Variants in PLEKHD1 observed in about 807,000 individuals in gnomAD.
The protein encoded by PLEKHD1 is pleckstrin homology and coiled-coil domain containing D1, also known as pleckstrin homology domain-containing family D member 1.
PLEKHD1 carries 51 observed loss-of-function variants against 69.2 expected under a neutral mutation model. The observed-to-expected ratio is 0.74, with a 90% CI of 0.59 to 0.93. PLEKHD1 has a LOEUF of 0.93. Among genes scored for constraint, PLEKHD1 ranks in the 40% least tolerant of loss-of-function variants. The pLI is 0.00. For synonymous variants in PLEKHD1, 236 were observed against 244.7 expected (o/e 0.96, Z 0.33); for missense variants, 584 against 641.0 (o/e 0.91, Z 0.96).
rs2139535694 is a variant in PLEKHD1, at chr14:69,527,764, C to T, written c.1202-19C>T. On this transcript the variant is annotated intron_variant, in intron 11 of 12. Coordinates refer to ENST00000322564, the MANE Select transcript of PLEKHD1 (RefSeq NM_001161498.2). Reference sequence around the variant, plus strand: ...AGGATGCAGTCGGAACCCCACCCTTCCTGGCCCTGCCGCCACAGGGTTCTT... The same window carrying T: ...AGGATGCAGTCGGAACCCCACCCTTTCTGGCCCTGCCGCCACAGGGTTCTT... 1 of 1,551,254 alleles carries T rather than the reference C, an allele frequency of 6.4e-7. No individual in the cohort carries two copies. Among genetic ancestry groups the T allele is most frequent in the East Asian group, 2.4e-5 (1 of 40,922 alleles).
intron 6 of PLEKHD1, among the ~76,000 whole-genome samples, chr14:69,504,363 A>G (rs17107033): frequency 0.051 from 7,713 of 152,224 alleles, 230 homozygotes; most frequent in African/African-American, 0.086. Flanking sequence ...GGCAGGGGCT[A>G]TCAGCCTTGG....
intron 6 of PLEKHD1, among the ~76,000 whole-genome samples, chr14:69,517,911 T>C (rs975472173): frequency 2.6e-5 from 4 of 152,216 alleles, no homozygotes; most frequent in African/African-American, 9.6e-5. Flanking sequence ...ATATCATGTA[T>C]CTTGGTTTGT....
intron 1 of PLEKHD1, among the ~76,000 whole-genome samples, chr14:69,495,344 A>C (rs1385658963): frequency 2.6e-5 from 4 of 152,186 alleles, no homozygotes; most frequent in African/African-American, 9.7e-5. Context: ...TCAACACAGC[A>C]GGGTCGAGAC....
intron 1 of PLEKHD1, among the ~76,000 whole-genome samples, chr14:69,493,593 A>G (rs752488340): frequency 6.6e-6 from 1 of 152,250 alleles, no homozygotes; most frequent in Non-Finnish European, 1.5e-5. Flanking sequence ...TAAATAAGAT[A>G]AAGTCAATAA....
intron 6 of PLEKHD1, among the ~76,000 whole-genome samples, chr14:69,506,937 C>T (rs1432550952): frequency 7.6e-6 from 1 of 131,224 alleles, no homozygotes; most frequent in Non-Finnish European, 1.5e-5. Flanking sequence ...GAATCTTGCC[C>T]TGTTGCCCAT....
intron 1 of PLEKHD1, among the ~76,000 whole-genome samples, chr14:69,499,708 A>G (rs921761738): frequency 4.3e-4 from 65 of 152,320 alleles, no homozygotes; most frequent in Non-Finnish European, 2.4e-4. Flanking sequence ...CCAAAGACCC[A>G]TCTTAGCATC....
At chr14:69,500,311 C>A in intron 2 of PLEKHD1, 103 bp downstream of exon 2, 2 of 1,028,062 alleles carry the variant, frequency 1.9e-6, no homozygotes, top group Non-Finnish European at 1.4e-6. Flanking sequence ...TCTGGCCTAG[C>A]AGAGAGTCTG....
the PLEKHD1 span, among the ~76,000 whole-genome samples, chr14:69,472,353 G>A: frequency 6.6e-6 from 1 of 152,186 alleles, no homozygotes; most frequent in Admixed American, 6.5e-5. Flanking sequence ...CCTTGTGTCT[G>A]GAATGCTCTT....
chr14:69,500,911 C>G lies in PLEKHD1; in HGVS notation c.374C>G (p.Thr125Ser), dbSNP rs1471971133. The change falls in exon 4 of 13, where the codon ACC (threonine) becomes AGC (serine). Residue 125 changes from threonine (T) to serine (S), a missense_variant. Thr to Ser is a moderately conservative substitution (Grantham distance 58). Transcript: ENST00000322564. ...GCTGCTGAGTCGGAGTTTGAGCAGA[C>G]CCAGTGGCTGGAGATGCTGCAGGAG... ...LLAAESEFEQ[T>S]QWLEMLQESG... The G allele has an allele frequency of 2.6e-6, 4 of 1,551,616 alleles. No individual in the cohort carries two copies. The highest frequency in any genetic ancestry group is 3.5e-6 in the Non-Finnish European group (4 of 1,146,986).
At chr14:69,468,108 T>G in the PLEKHD1 span, among the ~76,000 whole-genome samples, 1 of 152,104 alleles carries the variant, frequency 6.6e-6, no homozygotes, top group Non-Finnish European at 1.5e-5. Flanking sequence ...CATGAAGAGG[T>G]CAGGCATTCA....
intron 1 of PLEKHD1, among the ~76,000 whole-genome samples, chr14:69,490,053 A>G (rs1882742898): frequency 1.3e-5 from 2 of 152,164 alleles, no homozygotes; most frequent in South Asian, 4.1e-4. Flanking sequence ...TTTTGAGTAG[A>G]GATGGGGTTT....
intron 12 of PLEKHD1, 77 bp from the exon 13 acceptor site, chr14:69,528,173 G>A: frequency 1.3e-6 from 2 of 1,502,798 alleles, no homozygotes; most frequent in Non-Finnish European, 1.8e-6. Context: ...TGAGGGGGTG[G>A]CATGAGGCTG....
In PLEKHD1 at chr14:69,501,721, C is replaced by T. The variant is rs1174589301; in HGVS notation, c.411-13C>T. ...CTCTTCTCTCCTCTGTCCCATCTGC[C>T]CTCCCTCCCCAGGACCTGGAAGAAT... On this transcript the variant is annotated splice_polypyrimidine_tract_variant and intron_variant, in intron 4 of 12. Coordinates refer to ENST00000322564, the MANE Select transcript of PLEKHD1 (RefSeq NM_001161498.2). 2 of 1,543,708 alleles carry T rather than the reference C, an allele frequency of 1.3e-6. No homozygotes were observed. Among genetic ancestry groups the T allele is most frequent in the Non-Finnish European group, 1.8e-6 (2 of 1,140,816 alleles).
intron 6 of PLEKHD1, among the ~76,000 whole-genome samples, chr14:69,505,032 A>T (rs1375957824): frequency 6.6e-6 from 1 of 152,218 alleles, no homozygotes; most frequent in Admixed American, 6.5e-5. Flanking sequence ...GAAAATTTAG[A>T]CACTCTATCT....
At chr14:69,516,759 TC>T (rs1479048322) in intron 6 of PLEKHD1, among the ~76,000 whole-genome samples, 1 of 152,162 alleles carries the variant, frequency 6.6e-6, no homozygotes, top group African/African-American at 2.4e-5. Flanking sequence ...AGCCTCGACC[TC>T]CTGGGCTCAA....
Position 69,522,338 on chromosome 14 carries a change from T to C in PLEKHD1, c.611T>C (p.Val204Ala). The C allele has an allele frequency of 2.6e-6, 4 of 1,551,334 alleles. No homozygotes were observed. Among genetic ancestry groups the C allele is most frequent in the Non-Finnish European group, 2.6e-6 (3 of 1,146,910 alleles). Residue 204 changes from valine (V) to alanine (A), a missense_variant, in exon 7 of 13, where the codon GTG becomes GCG. Coordinates refer to ENST00000322564, the MANE Select transcript of PLEKHD1 (RefSeq NM_001161498.2). ...GCCGAGAAGCAGCAGTTCGAGGAGG[T>C]GGTGCAGGAGCTGAGAATGGAGCAG... Reference protein sequence around the residue: ...LEAEKQQFEEVVQELRMEQEQ... With the variant: ...LEAEKQQFEEAVQELRMEQEQ...
chr14:69,486,192 A>G (rs571618313), intron 1 of PLEKHD1, among the ~76,000 whole-genome samples: 1 of 152,128 alleles, frequency 6.6e-6, no homozygotes, highest in African/African-American at 2.4e-5. Context: ...CCCTGAGCAG[A>G]GGGGGCCTCC....
upstream of PLEKHD1, among the ~76,000 whole-genome samples, chr14:69,483,191 T>G (rs34405286): frequency 0.48 from 72,703 of 151,830 alleles, 17,661 homozygotes; most frequent in Middle Eastern, 0.59. Context: ...GGGCACTTCT[T>G]GACAGTGAGC....
At chr14:69,509,113 C>T (rs375665136) in intron 6 of PLEKHD1, among the ~76,000 whole-genome samples, 3 of 152,208 alleles carry the variant, frequency 2.0e-5, no homozygotes, top group Admixed American at 6.5e-5. Flanking sequence ...GATCCTCCCA[C>T]TTTGGCCTCC....
Sources: gnomAD v4.1 joint callset for allele counts (sites outside exome capture counted in the v4.1 genomes callset) on GRCh38, gnomAD v4.1.1 for gene constraint, MANE v1.5 for transcripts, NCBI Gene and HGNC (gene_info 2026-07-23, HGNC 2026-07-21) for gene names.